MGMT: variants seen among roughly 807,000 people sequenced by gnomAD.
MGMT encodes the protein O-6-methylguanine-DNA methyltransferase.
A neutral mutation model predicts 15.9 loss-of-function variants in MGMT; 14 were observed. The ratio of observed to expected loss-of-function variants is 0.88; its 90% CI spans 0.58 to 1.37. The LOEUF is 1.37. Among genes scored for constraint, MGMT ranks in the 40% most tolerant of loss-of-function variants. MGMT has a pLI of 0.00. For synonymous variants in MGMT, 130 were observed against 118.2 expected, an observed-to-expected ratio of 1.10 and a Z score of -0.65; for missense variants, 282 against 268.1, an observed-to-expected ratio of 1.05 and a Z score of -0.36.
chr10:129,766,010 G>A (rs1021546871), intron 4 of MGMT, among the ~76,000 whole-genome samples: 2 of 152,158 alleles, frequency 1.3e-5, no homozygotes, highest in African/African-American at 4.8e-5. Flanking sequence ...TGAAGGAGGC[G>A]CCCGCCCCTC....
intron 2 of MGMT, among the ~76,000 whole-genome samples, chr10:129,622,164 G>T (rs1218301852): frequency 6.6e-6 from 1 of 152,138 alleles, no homozygotes; most frequent in Non-Finnish European, 1.5e-5. Context: ...GCTTTGAGAC[G>T]GAATACCTGA....
chr10:129,518,043 G>A (rs1190356305), intron 1 of MGMT, among the ~76,000 whole-genome samples: 1 of 152,032 alleles, frequency 6.6e-6, no homozygotes, highest in Admixed American at 6.5e-5. Context: ...GCATCTCTGG[G>A]GAGGGAGCGC....
At chr10:129,672,642 A>G (rs1183626935) in intron 2 of MGMT, among the ~76,000 whole-genome samples, 1 of 152,216 alleles carries the variant, frequency 6.6e-6, no homozygotes, top group Non-Finnish European at 1.5e-5. Flanking sequence ...CATAGAATAC[A>G]TTATTTCAAT....
At position 129,761,349 on chromosome 10, in the gene MGMT, T is replaced by A. The variant is rs983698294; in HGVS notation, c.414+2008T>A. ...AGTGGCCCCGTCAGCGGGCGCCGAC[T>A]GCTCGCTCCCTTGTGTGTGCAGCTC... On this transcript the variant is annotated intron_variant, in intron 4 of 4. Coordinates refer to ENST00000651593, the MANE Select transcript of MGMT (RefSeq NM_002412.5). 4.6e-5 allele frequency among the ~76,000 whole-genome samples: 7 copies of A among 152,230 alleles called. 1 individual carries two copies. The highest frequency in any genetic ancestry group is 1.7e-4 in the African/African-American group (7 of 41,464).
At chr10:129,562,888 T>TC (rs1389873174) in intron 2 of MGMT, among the ~76,000 whole-genome samples, 1 of 152,212 alleles carries the variant, frequency 6.6e-6, no homozygotes, top group East Asian at 1.9e-4. Context: ...ATCCCCGACT[T>TC]ACCGTGGTTC....
intron 2 of MGMT, among the ~76,000 whole-genome samples, chr10:129,553,865 C>T (rs1332244527): frequency 6.6e-6 from 1 of 152,224 alleles, no homozygotes; most frequent in African/African-American, 2.4e-5. Flanking sequence ...GGTGCCAGCT[C>T]TCTCTGCCTC....
intron 3 of MGMT, among the ~76,000 whole-genome samples, chr10:129,740,459 G>A (rs1848618493): frequency 6.6e-6 from 1 of 152,128 alleles, no homozygotes; most frequent in Admixed American, 6.5e-5. Context: ...CTTACGAAGG[G>A]GGACGGGAGA....
At chr10:129,504,090 T>C (rs1291054367) in intron 1 of MGMT, among the ~76,000 whole-genome samples, 1 of 152,200 alleles carries the variant, frequency 6.6e-6, no homozygotes, top group African/African-American at 2.4e-5. Context: ...CATCTACATG[T>C]ACTATTTAAA....
At chr10:129,669,482 A>G (rs553890259) in intron 2 of MGMT, among the ~76,000 whole-genome samples, 1 of 152,326 alleles carries the variant, frequency 6.6e-6, no homozygotes, top group East Asian at 1.9e-4. Flanking sequence ...ACCCACAGAC[A>G]TACAATTTTA....
At position 129,643,140 on chromosome 10, in the gene MGMT, C is replaced by T. The variant is rs138092334; in HGVS notation, c.126-64755C>T. Among the ~76,000 whole-genome samples the T allele has an allele frequency of 3.6e-4, 55 of 152,136 alleles. 1 individual carries two copies. Among genetic ancestry groups the T allele is most frequent in the African/African-American group, 1.0e-3 (43 of 41,502 alleles). ...GCCGCTGTCATGTTTTTGTCTCGTGCGCTTCCCCTTCACCTTCATCCTTGG... is the reference window on the plus strand; with the variant it reads ...GCCGCTGTCATGTTTTTGTCTCGTGTGCTTCCCCTTCACCTTCATCCTTGG... On this transcript the variant is annotated intron_variant, in intron 2 of 4. Coordinates refer to ENST00000651593, the MANE Select transcript of MGMT (RefSeq NM_002412.5).
At chr10:129,583,992 C>T (rs191911716) in intron 2 of MGMT, among the ~76,000 whole-genome samples, 3 of 152,210 alleles carry the variant, frequency 2.0e-5, no homozygotes, top group East Asian at 1.9e-4. Context: ...CACCGTGCAC[C>T]GAAGACTTGG....
intron 2 of MGMT, among the ~76,000 whole-genome samples, chr10:129,614,920 T>G (rs909081678): frequency 2.0e-5 from 3 of 152,200 alleles, no homozygotes; most frequent in African/African-American, 7.2e-5. Flanking sequence ...GCAAAGCATT[T>G]TGCATATTCC....
chr10:129,706,481 ACAG>A lies in MGMT; in HGVS notation c.126-1411_126-1409del, dbSNP rs146327716. On this transcript the variant is annotated intron_variant, in intron 2 of 4. Transcript: ENST00000651593. ...AAGGGCCCGCGGGAGCTGTGCGTCC[ACAG>A]CATCCACAGTGCAGTGACGTTTCCC... Among the ~76,000 whole-genome samples, 1,294 of 152,306 alleles carry A rather than the reference ACAG, an allele frequency of 8.5e-3. 18 individuals carry two copies. The highest frequency in any genetic ancestry group is 0.029 in the African/African-American group (1,209 of 41,570).
At chr10:129,720,248 G>A (rs1176883898) in intron 3 of MGMT, among the ~76,000 whole-genome samples, 1 of 152,180 alleles carries the variant, frequency 6.6e-6, no homozygotes, top group African/African-American at 2.4e-5. Context: ...TTAAGCTCTA[G>A]GCCACAATAA....
intron 2 of MGMT, among the ~76,000 whole-genome samples, chr10:129,697,470 T>C (rs1848045367): frequency 6.7e-6 from 1 of 148,778 alleles, no homozygotes; most frequent in Admixed American, 6.6e-5. Context: ...TAAGTTGTTA[T>C]TACATAACCT....
intron 1 of MGMT, among the ~76,000 whole-genome samples, chr10:129,498,202 G>A (rs578101948): frequency 7.0e-4 from 106 of 152,342 alleles, no homozygotes; most frequent in African/African-American, 2.4e-3. Context: ...CTGTCCTGGG[G>A]ACATATGTCT....
chr10:129,683,287 G>A (rs1847872943), intron 2 of MGMT, among the ~76,000 whole-genome samples: 1 of 152,188 alleles, frequency 6.6e-6, no homozygotes, highest in Admixed American at 6.5e-5. Flanking sequence ...TAATGAAAGT[G>A]AGCCCTAAAG....
At chr10:129,579,427 C>T (rs968597898) in intron 2 of MGMT, among the ~76,000 whole-genome samples, 1 of 152,228 alleles carries the variant, frequency 6.6e-6, no homozygotes, top group African/African-American at 2.4e-5. Context: ...CGGATCATGG[C>T]AGCGTCAGAT....
chr10:129,613,774 C>T (rs956163013), intron 2 of MGMT, among the ~76,000 whole-genome samples: 3 of 152,198 alleles, frequency 2.0e-5, no homozygotes, highest in African/African-American at 4.8e-5. Flanking sequence ...CTCTGCCCAG[C>T]GTCACGCAGT....
Sources: gnomAD v4.1 joint callset for allele counts (sites outside exome capture counted in the v4.1 genomes callset) on GRCh38, gnomAD v4.1.1 for gene constraint, MANE v1.5 for transcripts, NCBI Gene and HGNC (gene_info 2026-07-23, HGNC 2026-07-21) for gene names.